Variants in CTNNA2 observed in about 807,000 individuals in gnomAD.
The protein encoded by CTNNA2 is catenin alpha 2.
In CTNNA2, 42 loss-of-function variants were observed where a neutral mutation model predicts 101.0. That is an observed-to-expected ratio of 0.42 (90% CI 0.32 to 0.54). CTNNA2 has a LOEUF of 0.54. Ranked by LOEUF, CTNNA2 falls within the 20% of genes least tolerant of loss-of-function variation. The pLI is 0.14. For synonymous variants in CTNNA2, 450 were observed against 456.4 expected (o/e 0.99, Z 0.18); for missense variants, 871 against 1,223.1 (o/e 0.71, Z 4.29).
chr2:80,554,079 C>T (rs944695408), intron 11 of CTNNA2, among the ~76,000 whole-genome samples: 1 of 152,082 alleles, frequency 6.6e-6, no homozygotes, highest in Non-Finnish European at 1.5e-5. Flanking sequence ...GAAGAAATCA[C>T]ACTGTATGAG....
chr2:80,439,534 G>A (rs1056831981), intron 9 of CTNNA2, among the ~76,000 whole-genome samples: 1 of 152,010 alleles, frequency 6.6e-6, no homozygotes, highest in Non-Finnish European at 1.5e-5. Flanking sequence ...GAGTAGCTGG[G>A]ATTACAGGCG....
At chr2:79,633,439 A>G (rs947499897) in intron 1 of CTNNA2, among the ~76,000 whole-genome samples, 1 of 152,154 alleles carries the variant, frequency 6.6e-6, no homozygotes, top group Non-Finnish European at 1.5e-5. Context: ...AAAGGAAAAT[A>G]TCCCACATAT....
chr2:80,315,810 A>C (rs1299121035), intron 7 of CTNNA2, among the ~76,000 whole-genome samples: 2 of 152,176 alleles, frequency 1.3e-5, no homozygotes. Flanking sequence ...TACAACTCTA[A>C]GTATGAAATG....
intron 7 of CTNNA2, among the ~76,000 whole-genome samples, chr2:80,268,495 A>G (rs1199595934): frequency 6.6e-6 from 1 of 152,164 alleles, no homozygotes; most frequent in Non-Finnish European, 1.5e-5. Flanking sequence ...TAACCCTCTA[A>G]TTAGAGCCCT....
intron 3 of CTNNA2, among the ~76,000 whole-genome samples, chr2:79,323,225 A>G (rs1676664710): frequency 6.6e-6 from 1 of 152,182 alleles, no homozygotes. Flanking sequence ...AAATATTCAC[A>G]TTCTAAAGCA....
intron 7 of CTNNA2, among the ~76,000 whole-genome samples, chr2:80,243,091 AT>A (rs767942642): frequency 5.9e-5 from 9 of 152,198 alleles, no homozygotes; most frequent in Non-Finnish European, 1.3e-4. Flanking sequence ...TTCAGATAGA[AT>A]GCTATTTTAT....
chr2:79,571,454 C>G (rs913900181), intron 1 of CTNNA2, among the ~76,000 whole-genome samples: 13 of 152,164 alleles, frequency 8.5e-5, no homozygotes, highest in Non-Finnish European at 1.8e-4. Flanking sequence ...TAAGTCCTTT[C>G]AAATCTTGCT....
chr2:79,630,121 T>C (rs1265992232), intron 1 of CTNNA2, among the ~76,000 whole-genome samples: 1 of 152,214 alleles, frequency 6.6e-6, no homozygotes, highest in Non-Finnish European at 1.5e-5. Context: ...CGTACCCTGC[T>C]TTATTCATTC....
At chr2:80,589,179 G>A (rs982119241) in intron 14 of CTNNA2, 125 bp from the exon 15 acceptor site, 12 of 937,226 alleles carry the variant, frequency 1.3e-5, no homozygotes, top group African/African-American at 1.2e-4. Context: ...CGTGCTTTCC[G>A]GAATGGCAGG....
chr2:79,965,827 CAAAAAAAAAAAAA>C (rs10686940), intron 7 of CTNNA2, among the ~76,000 whole-genome samples: 2 of 77,996 alleles, frequency 2.6e-5, no homozygotes, highest in Admixed American at 1.6e-4. Context: ...GAGACTATGT[CAAAAAAAAAAAAA>C]AAAAAAAAAA....
intron 3 of CTNNA2, among the ~76,000 whole-genome samples, chr2:79,350,073 C>CAAAAAA (rs59503765): frequency 5.2e-4 from 30 of 57,458 alleles, no homozygotes; most frequent in African/African-American, 1.9e-3. Context: ...GACTCCTTCT[C>CAAAAAA]AAAAAAAAAA....
intron 7 of CTNNA2, among the ~76,000 whole-genome samples, chr2:79,920,697 T>C (rs748969254): frequency 3.9e-5 from 6 of 152,246 alleles, no homozygotes; most frequent in Non-Finnish European, 7.3e-5. Flanking sequence ...TCTTCATGAC[T>C]CACTATGCAG....
At chr2:79,252,426 G>T (rs1333310828) in intron 2 of CTNNA2, among the ~76,000 whole-genome samples, 6 of 151,766 alleles carry the variant, frequency 4.0e-5, no homozygotes, top group Non-Finnish European at 8.8e-5. Flanking sequence ...CTCTGGTTTT[G>T]TGGTTTTTCT....
At position 79,985,748 on chromosome 2, in the gene CTNNA2, A is replaced by G. The variant is rs1691711618; in HGVS notation, c.1056+75951A>G. Among the ~76,000 whole-genome samples the G allele has an allele frequency of 2.6e-5, 4 of 152,210 alleles. No homozygotes were observed. In the South Asian group the frequency reaches 8.3e-4, roughly 32 times the overall value. On this transcript the variant is annotated intron_variant, in intron 7 of 18. Transcript: ENST00000402739. Reference sequence around the variant, plus strand: ...GGCCCAGCAGCAGGGAAGTCTGAGCATGGCCTTGCCTGCCTAGAGTGTGCC... The same window carrying G: ...GGCCCAGCAGCAGGGAAGTCTGAGCGTGGCCTTGCCTGCCTAGAGTGTGCC...
intron 9 of CTNNA2, among the ~76,000 whole-genome samples, chr2:80,506,998 C>T (rs1015973995): frequency 6.6e-6 from 1 of 152,110 alleles, no homozygotes; most frequent in Admixed American, 6.5e-5. Context: ...GTATTTGGCA[C>T]ATCTTAGGTG....
intron 7 of CTNNA2, among the ~76,000 whole-genome samples, chr2:79,970,805 G>A (rs973725705): frequency 2.6e-4 from 37 of 144,900 alleles, no homozygotes; most frequent in African/African-American, 3.8e-4. Context: ...AGGTGTAAAC[G>A]TCTAAAAAAA....
intron 2 of CTNNA2, among the ~76,000 whole-genome samples, chr2:79,220,262 T>A (rs557384010): frequency 6.6e-6 from 1 of 152,206 alleles, no homozygotes; most frequent in African/African-American, 2.4e-5. Flanking sequence ...GTGGGAAAAT[T>A]AAGATCTCTT....
At chr2:79,584,102 G>A (rs1350587016) in intron 1 of CTNNA2, among the ~76,000 whole-genome samples, 1 of 152,022 alleles carries the variant, frequency 6.6e-6, no homozygotes, top group Non-Finnish European at 1.5e-5. Context: ...AAAGTTGCCC[G>A]TCAACTCTTT....
At chr2:80,404,340 A>T (rs1172368674) in intron 8 of CTNNA2, among the ~76,000 whole-genome samples, 1 of 152,090 alleles carries the variant, frequency 6.6e-6, no homozygotes, top group Non-Finnish European at 1.5e-5. Flanking sequence ...TTTCAAAAAA[A>T]CACAGCTCCT....
Sources: allele counts gnomAD v4.1 joint callset (sites outside exome capture counted in the v4.1 genomes callset), GRCh38; gene constraint gnomAD v4.1.1; transcripts MANE v1.5; gene names NCBI Gene and HGNC (gene_info 2026-07-23, HGNC 2026-07-21).